Variants in PCDH9 observed in about 807,000 individuals in gnomAD.
PCDH9 encodes the protein protocadherin-9.
Under a neutral mutation model 70.6 loss-of-function variants are expected in PCDH9, and 24 were observed. The observed-to-expected ratio is 0.34, with a 90% confidence interval of 0.25 to 0.48. PCDH9 has a LOEUF of 0.48. PCDH9 is among the 20% of genes least tolerant of loss of function. The pLI is 0.99. For synonymous variants in PCDH9, 562 were observed against 558.5 expected (o/e 1.01, Z -0.09); for missense variants, 1,281 against 1,503.6 (o/e 0.85, Z 2.45).
chr13:67,055,477 A>T (rs556076608), intron 2 of PCDH9, among the ~76,000 whole-genome samples: 21 of 152,280 alleles, frequency 1.4e-4, no homozygotes, highest in African/African-American at 5.1e-4. Flanking sequence ...TTCAAATAGA[A>T]TTATGTATCC....
intron 4 of PCDH9, among the ~76,000 whole-genome samples, chr13:66,433,251 A>T (rs966379288): frequency 6.6e-6 from 1 of 152,008 alleles, no homozygotes; most frequent in Non-Finnish European, 1.5e-5. Flanking sequence ...AATAAACATT[A>T]ACTATTAGTT....
intron 2 of PCDH9, among the ~76,000 whole-genome samples, chr13:67,164,696 C>T (rs1458135615): frequency 6.6e-6 from 1 of 152,158 alleles, no homozygotes; most frequent in Non-Finnish European, 1.5e-5. Flanking sequence ...GTCACCTTTC[C>T]ATTGTTAGAT....
intron 4 of PCDH9, among the ~76,000 whole-genome samples, chr13:66,587,451 T>G (rs2076978440): frequency 6.6e-6 from 1 of 152,102 alleles, no homozygotes; most frequent in African/African-American, 2.4e-5. Context: ...AGCAATTATA[T>G]AAGGAAAATC....
chr13:66,883,890 G>C (rs1006681251), intron 3 of PCDH9, among the ~76,000 whole-genome samples: 1 of 148,462 alleles, frequency 6.7e-6, no homozygotes, highest in African/African-American at 2.5e-5. Context: ...CCTTCATCTT[G>C]AGCGTTCATT....
At chr13:67,076,489 CA>C (rs775870069) in intron 2 of PCDH9, among the ~76,000 whole-genome samples, 1 of 151,944 alleles carries the variant, frequency 6.6e-6, no homozygotes, top group African/African-American at 2.4e-5. Context: ...ACAAGATTTG[CA>C]AAAAATAAGT....
In PCDH9 at chr13:66,374,425, T is replaced by C. The variant is rs578115846; in HGVS notation, c.3341-69397A>G. On this transcript the variant is annotated intron_variant, in intron 4 of 4. Coordinates refer to ENST00000377865, the MANE Select transcript of PCDH9 (RefSeq NM_203487.3). ...TACTTTTAGAAATTTGATTAGAGAA[T>C]TTTTGTTCATTTAGATTGCAGCCCA... is the stretch of plus-strand genomic sequence containing the variant. Among the ~76,000 whole-genome samples, 4 of 152,122 alleles carry C rather than the reference T, an allele frequency of 2.6e-5. No individual in the cohort carries two copies. In the East Asian group the frequency reaches 5.8e-4, roughly 22 times the overall value.
chr13:66,634,246 G>A (rs1316821091), intron 3 of PCDH9, among the ~76,000 whole-genome samples: 4 of 152,154 alleles, frequency 2.6e-5, no homozygotes, highest in Non-Finnish European at 5.9e-5. Flanking sequence ...TGATGGGAGG[G>A]AGAGTGGTGA....
intron 3 of PCDH9, among the ~76,000 whole-genome samples, chr13:66,848,463 A>G (rs2081250715): frequency 6.6e-6 from 1 of 152,230 alleles, no homozygotes; most frequent in Non-Finnish European, 1.5e-5. Context: ...CATTAACAGC[A>G]GATCCTGAGT....
chr13:66,493,929 A>C (rs909832301), intron 4 of PCDH9, among the ~76,000 whole-genome samples: 1 of 152,116 alleles, frequency 6.6e-6, no homozygotes, highest in African/African-American at 2.4e-5. Context: ...TAATAATAAA[A>C]TAATTATGAC....
At position 66,901,552 on chromosome 13, in the gene PCDH9, T is replaced by A. The variant is rs74458549; in HGVS notation, c.3138+1952A>T. Among the ~76,000 whole-genome samples the A allele has an allele frequency of 8.0e-3, 1,219 of 151,834 alleles. 16 individuals are homozygous for A. Among genetic ancestry groups the A allele is most frequent in the African/African-American group, 0.027 (1,137 of 41,536 alleles). ...AAAGATTTATAAAAATATTTTGTCT[T>A]CTTTGTTTATAAATAAACTATAGTA... is the stretch of plus-strand genomic sequence containing the variant. On this transcript the variant is annotated intron_variant, in intron 3 of 4. Coordinates refer to ENST00000377865, the MANE Select transcript of PCDH9 (RefSeq NM_203487.3).
chr13:66,487,691 C>CTTG, intron 4 of PCDH9, among the ~76,000 whole-genome samples: 1 of 152,248 alleles, frequency 6.6e-6, no homozygotes, highest in South Asian at 2.1e-4. Flanking sequence ...TGAGCTACCA[C>CTTG]TTCAAATCCC....
At chr13:66,715,562 A>G (rs1311541813) in intron 3 of PCDH9, among the ~76,000 whole-genome samples, 1 of 152,182 alleles carries the variant, frequency 6.6e-6, no homozygotes, top group Non-Finnish European at 1.5e-5. Context: ...AATTAACTCC[A>G]TAATTTACAT....
intron 2 of PCDH9, among the ~76,000 whole-genome samples, chr13:67,072,729 TA>T (rs34067067): frequency 0.88 from 134,122 of 151,768 alleles, 59,312 homozygotes; most frequent in East Asian, 0.99. Context: ...GTAATATACT[TA>T]AAAAAAAATA....
At chr13:66,636,622 T>C (rs2077641310) in intron 3 of PCDH9, among the ~76,000 whole-genome samples, 2 of 152,160 alleles carry the variant, frequency 1.3e-5, no homozygotes, top group Admixed American at 1.3e-4. Context: ...TGATTTTATG[T>C]ATAGAGAATT....
At chr13:67,095,842 CA>C (rs2086308505) in intron 2 of PCDH9, among the ~76,000 whole-genome samples, 1 of 152,000 alleles carries the variant, frequency 6.6e-6, no homozygotes, top group African/African-American at 2.4e-5. Flanking sequence ...AACACAAGGT[CA>C]AAATAACTAC....
At chr13:66,760,537 G>C (rs564565840) in intron 3 of PCDH9, among the ~76,000 whole-genome samples, 1 of 152,174 alleles carries the variant, frequency 6.6e-6, no homozygotes, top group East Asian at 1.9e-4. Context: ...CGTAAGCTGA[G>C]GATGTATGTC....
chr13:67,002,052 A>G (rs761680213), intron 2 of PCDH9: 3 of 152,210 alleles, frequency 2.0e-5, no homozygotes, highest in Non-Finnish European at 4.4e-5. Context: ...CACTAGTTAT[A>G]TAAGAAGTAA....
intron 3 of PCDH9, among the ~76,000 whole-genome samples, chr13:66,744,311 A>T (rs1593993832): frequency 6.6e-6 from 1 of 152,338 alleles, no homozygotes; most frequent in Middle Eastern, 3.4e-3. Flanking sequence ...TTTATTTATG[A>T]AAAAGAATAA....
At chr13:66,734,986 A>G (rs2079126496) in intron 3 of PCDH9, among the ~76,000 whole-genome samples, 1 of 152,214 alleles carries the variant, frequency 6.6e-6, no homozygotes, top group African/African-American at 2.4e-5. Context: ...TCTTACGACT[A>G]GAACAGTATG....
Sources: gnomAD v4.1 joint callset for allele counts (sites outside exome capture counted in the v4.1 genomes callset) on GRCh38, gnomAD v4.1.1 for gene constraint, MANE v1.5 for transcripts, NCBI Gene and HGNC (gene_info 2026-07-23, HGNC 2026-07-21) for gene names.